PRDM11: variants seen among roughly 807,000 people sequenced by gnomAD.
PRDM11 encodes PR domain-containing protein 11.
PRDM11 carries 20 observed loss-of-function variants against 97.8 expected under a neutral mutation model. The observed-to-expected ratio is 0.20, with a 90% CI of 0.14 to 0.30. The LOEUF (loss-of-function observed/expected upper bound fraction) is 0.30. PRDM11 is among the 10% of genes least tolerant of loss of function. The pLI, the probability that PRDM11 is intolerant of heterozygous loss-of-function variation, is 1.00. For missense variants in PRDM11, 1,139 were observed against 1,555.2 expected (o/e 0.73, Z 4.50); for synonymous variants, 599 against 637.7 (o/e 0.94, Z 0.91).
chr11:45,194,592 GT>G (rs869144098), intron 4 of PRDM11, among the ~76,000 whole-genome samples: 4 of 70,902 alleles, frequency 5.6e-5, no homozygotes, highest in East Asian at 3.7e-4. Context: ...ATTATCTTCT[GT>G]TTTTTTTTTT....
intron 1 of PRDM11, among the ~76,000 whole-genome samples, chr11:45,166,709 T>C (rs1590398591): frequency 6.6e-6 from 1 of 152,326 alleles, no homozygotes; most frequent in South Asian, 2.1e-4. Context: ...ACAGAGTATG[T>C]AAAACACCCG....
At chr11:45,146,502 C>T (rs1036605162), upstream of PRDM11, among the ~76,000 whole-genome samples, 1 of 152,094 alleles carries the variant, frequency 6.6e-6, no homozygotes, top group Admixed American at 6.5e-5. Context: ...TTCCCCCCTC[C>T]GGGCAGGGCG....
intron 3 of PRDM11, 110 bp downstream of exon 3, chr11:45,182,459 A>ACCAGGC: frequency 1.0e-6 from 1 of 988,498 alleles, no homozygotes; most frequent in South Asian, 1.6e-5. Context: ...CCTGCAATAT[A>ACCAGGC]CCAGGCCCAG....
At chr11:45,110,493 T>C (rs1465354863) in intron 1 of PRDM11, among the ~76,000 whole-genome samples, 1 of 152,164 alleles carries the variant, frequency 6.6e-6, no homozygotes, top group Non-Finnish European at 1.5e-5. Flanking sequence ...GTAGGAGAAA[T>C]ACCCTGAAAG....
At chr11:45,185,536 G>A (rs555256685) in intron 4 of PRDM11, among the ~76,000 whole-genome samples, 1 of 152,200 alleles carries the variant, frequency 6.6e-6, no homozygotes, top group East Asian at 1.9e-4. Context: ...AAAGACTTTA[G>A]CATCCTCAAA....
intron 1 of PRDM11, among the ~76,000 whole-genome samples, chr11:45,116,549 AAGT>A (rs1468323572): frequency 1.3e-5 from 2 of 152,244 alleles, no homozygotes; most frequent in Admixed American, 6.5e-5. Flanking sequence ...TCCTTGGTGA[AAGT>A]AGAAATCAGA....
At chr11:45,194,592 G>GTTTTTTTTT (rs869144098) in intron 4 of PRDM11, among the ~76,000 whole-genome samples, 3 of 70,900 alleles carry the variant, frequency 4.2e-5, no homozygotes, top group East Asian at 3.7e-4. Flanking sequence ...ATTATCTTCT[G>GTTTTTTTTT]TTTTTTTTTT....
At position 45,126,857 on chromosome 11, in the gene PRDM11, G is replaced by A. The variant is rs985886131; in HGVS notation, c.96+30956G>A. ...GAGGAGTATCTTTGTGGTGTTCTCCGTATTTCCTGAATCTGAATGTTGGCC... is the reference window on the plus strand; with the variant it reads ...GAGGAGTATCTTTGTGGTGTTCTCCATATTTCCTGAATCTGAATGTTGGCC... On this transcript the variant is annotated intron_variant, in intron 1 of 6. Coordinates refer to the PRDM11 transcript ENST00000530656. Among the ~76,000 whole-genome samples, 13 of 152,200 alleles carry A rather than the reference G, an allele frequency of 8.5e-5. No homozygotes were observed. The South Asian group carries it at 1.7e-3, about 19-fold the overall frequency.
At chr11:45,155,913 A>T (rs900014831) in intron 1 of PRDM11, among the ~76,000 whole-genome samples, 5 of 152,144 alleles carry the variant, frequency 3.3e-5, no homozygotes, top group Non-Finnish European at 7.4e-5. Flanking sequence ...TTCAACCCTC[A>T]TAGCTGTCCC....
chr11:45,101,555 CAAA>C (rs1172482163), intron 1 of PRDM11, among the ~76,000 whole-genome samples: 4 of 61,678 alleles, frequency 6.5e-5, no homozygotes, highest in African/African-American at 1.7e-4. Context: ...CACTCTGTCT[CAAA>C]AAAAAAAAAA....
rs376996631 is a variant in PRDM11 at position 45,182,208 on chromosome 11, A to G, written c.120-38A>G. The G allele has an allele frequency of 6.3e-6, 10 of 1,580,464 alleles. No individual in the cohort carries two copies. The African/African-American group carries it at 1.2e-4, about 19-fold the overall frequency. On this transcript the variant is annotated intron_variant, in intron 2 of 7. Transcript: ENST00000683152. ...CCCACTGGGCTCTCACTCTCTGATG[A>G]CTTCTTTGCTTTCTTTGCGGGCCTC...
chr11:45,151,164 C>T (rs904760381), intron 1 of PRDM11, among the ~76,000 whole-genome samples: 2 of 152,130 alleles, frequency 1.3e-5, no homozygotes, highest in Non-Finnish European at 2.9e-5. Flanking sequence ...TCAGAGGTGA[C>T]TGGTGGCCCT....
chr11:45,102,333 G>A (rs1047169423), intron 1 of PRDM11, among the ~76,000 whole-genome samples: 2 of 152,174 alleles, frequency 1.3e-5, no homozygotes, highest in African/African-American at 4.8e-5. Flanking sequence ...GACCTGGGCC[G>A]ATGTGTGTTT....
chr11:45,099,605 T>A (rs759878313), intron 1 of PRDM11, among the ~76,000 whole-genome samples: 1 of 152,110 alleles, frequency 6.6e-6, no homozygotes, highest in Non-Finnish European at 1.5e-5. Flanking sequence ...CAGGTGCGTA[T>A]ATGTATGGGG....
upstream of PRDM11, among the ~76,000 whole-genome samples, chr11:45,146,266 C>A (rs1013613835): frequency 5.5e-4 from 84 of 152,298 alleles, no homozygotes; most frequent in African/African-American, 1.9e-3. Context: ...TCGACTCCCC[C>A]CGACTATTTG....
chr11:45,123,719 C>T (rs1852497646), intron 1 of PRDM11, among the ~76,000 whole-genome samples: 1 of 150,182 alleles, frequency 6.7e-6, no homozygotes, highest in South Asian at 2.1e-4. Context: ...TGTTTTGGTA[C>T]CAGTACCATG....
At chr11:45,165,656 G>C (rs1764542030) in intron 1 of PRDM11, among the ~76,000 whole-genome samples, 2 of 152,244 alleles carry the variant, frequency 1.3e-5, no homozygotes, top group African/African-American at 4.8e-5. Context: ...TGCCCGCGTG[G>C]TGTTGCCAGC....
At chr11:45,168,337 C>G (rs1233657138) in intron 1 of PRDM11, among the ~76,000 whole-genome samples, 1 of 152,158 alleles carries the variant, frequency 6.6e-6, no homozygotes, top group East Asian at 1.9e-4. Flanking sequence ...TTCCTTGTAA[C>G]CAAAACACTG....
rs117909470 is a variant in PRDM11 at position 45,159,512 on chromosome 11, G to C, written c.-7+12635G>C. On this transcript the variant is annotated intron_variant, in intron 1 of 7. Coordinates refer to ENST00000683152, the MANE Select transcript of PRDM11 (RefSeq NM_001384648.1). Reference sequence around the variant, plus strand: ...CCCAGTTTGCGGATGAAGGAGTTGAGGCCCCAGAGGGTTCAGCAACTTTGT... The same window carrying C: ...CCCAGTTTGCGGATGAAGGAGTTGACGCCCCAGAGGGTTCAGCAACTTTGT... Among the ~76,000 whole-genome samples, 739 of 152,324 alleles carry C rather than the reference G, an allele frequency of 4.9e-3. 16 individuals are homozygous for C. The East Asian group carries it at 0.074, about 15-fold the overall frequency.
Sources: gnomAD v4.1 joint callset for allele counts (sites outside exome capture counted in the v4.1 genomes callset) on GRCh38, gnomAD v4.1.1 for gene constraint, MANE v1.5 for transcripts, NCBI Gene and HGNC (gene_info 2026-07-23, HGNC 2026-07-21) for gene names.